Variants in ADCY2 observed in about 807,000 individuals in gnomAD.
ADCY2 encodes the protein adenylate cyclase type 2.
In ADCY2, 31 loss-of-function variants were observed where a neutral mutation model predicts 125.2. That is an observed-to-expected ratio of 0.25 (90% CI 0.19 to 0.33). The LOEUF (loss-of-function observed/expected upper bound fraction) is 0.33, where lower values mean the gene tolerates loss of function less well. Ranked by LOEUF, ADCY2 falls within the 10% of genes least tolerant of loss-of-function variation. The pLI, the probability that ADCY2 is intolerant of heterozygous loss-of-function variation, is 1.00. For missense variants in ADCY2, 904 were observed against 1,418.2 expected (o/e 0.64, Z 5.82); for synonymous variants, 512 against 548.4 (o/e 0.93, Z 0.93).
chr5:7,695,444 A>T (rs1740858062), intron 5 of ADCY2, among the ~76,000 whole-genome samples: 1 of 152,224 alleles, frequency 6.6e-6, no homozygotes, highest in Admixed American at 6.5e-5. Context: ...CTCCAGAATC[A>T]TTTAAGTAAT....
intron 1 of ADCY2, among the ~76,000 whole-genome samples, chr5:7,410,333 A>G (rs1200460494): frequency 6.6e-6 from 1 of 152,160 alleles, no homozygotes; most frequent in African/African-American, 2.4e-5. Flanking sequence ...CTGTTCAAAA[A>G]AAAAAGAAAA....
At chr5:7,404,543 CT>C (rs1475950022) in intron 1 of ADCY2, among the ~76,000 whole-genome samples, 2 of 152,244 alleles carry the variant, frequency 1.3e-5, no homozygotes, top group African/African-American at 4.8e-5. Context: ...CAACACACTT[CT>C]TTCCTAATTG....
intron 2 of ADCY2, among the ~76,000 whole-genome samples, chr5:7,508,262 A>C (rs1382067544): frequency 2.0e-5 from 3 of 152,282 alleles, no homozygotes; most frequent in African/African-American, 7.2e-5. Context: ...CTTCTGACCA[A>C]AGTTTTATTA....
chr5:7,707,791 T>C lies in ADCY2; in HGVS notation c.1354T>C (p.Tyr452His), dbSNP rs1467105114. The change falls in exon 9 of 25, where the codon TAT (tyrosine) becomes CAT (histidine). Residue 452 changes from tyrosine to histidine, a missense_variant. Tyr to His is a moderately conservative substitution (Grantham distance 83). Around this residue, in one of 7 missense-constraint regions of ADCY2, gnomAD observed 144 missense variants for 227.7 expected, o/e 0.63. Transcript: ENST00000338316. ...EEGDGDIRDP[Y>H]LKQHLVKTYF... ...GGGAGATGGTGACATTAGGGACCCA[T>C]ATTTAAAACAGCACCTGGTGAAAAC... 3.7e-6 allele frequency: 6 copies of C among 1,614,024 alleles called. No homozygotes were observed. In the African/African-American group the frequency reaches 5.3e-5, roughly 14 times the overall value.
At chr5:7,433,833 A>T (rs554201777) in intron 2 of ADCY2, among the ~76,000 whole-genome samples, 2 of 152,306 alleles carry the variant, frequency 1.3e-5, no homozygotes, top group Admixed American at 1.3e-4. Context: ...TGATACATTT[A>T]AAAAATGATT....
intron 3 of ADCY2, 50 bp downstream of exon 3, chr5:7,520,949 G>A (rs1209190783): frequency 2.5e-6 from 4 of 1,605,664 alleles, no homozygotes; most frequent in Non-Finnish European, 3.4e-6. Flanking sequence ...ATCCCACCAG[G>A]GGGTGAGGCA....
intron 4 of ADCY2, among the ~76,000 whole-genome samples, chr5:7,644,658 T>C (rs1307740836): frequency 6.6e-6 from 1 of 152,164 alleles, no homozygotes; most frequent in Non-Finnish European, 1.5e-5. Flanking sequence ...GGTCACCCTC[T>C]CTATTTCTGT....
intron 3 of ADCY2, among the ~76,000 whole-genome samples, chr5:7,572,007 A>G (rs1235767398): frequency 1.3e-5 from 2 of 152,176 alleles, no homozygotes; most frequent in Non-Finnish European, 2.9e-5. Flanking sequence ...TCCATGGTGT[A>G]TATATACCAC....
intron 16 of ADCY2, among the ~76,000 whole-genome samples, chr5:7,765,747 C>T (rs569197302): frequency 6.6e-6 from 1 of 152,262 alleles, no homozygotes; most frequent in East Asian, 1.9e-4. Context: ...TAACCCTATG[C>T]AGAAAACACA....
chr5:7,726,324 T>C (rs1741930306), intron 13 of ADCY2, among the ~76,000 whole-genome samples: 1 of 152,164 alleles, frequency 6.6e-6, no homozygotes, highest in African/African-American at 2.4e-5. Flanking sequence ...TCTCACTGAT[T>C]GTAGTCAATT....
intron 2 of ADCY2, among the ~76,000 whole-genome samples, chr5:7,420,488 C>T (rs779058253): frequency 9.2e-5 from 14 of 152,054 alleles, no homozygotes; most frequent in Non-Finnish European, 1.6e-4. Context: ...GCGAAAAAGA[C>T]CCCAAACCTT....
intron 4 of ADCY2, among the ~76,000 whole-genome samples, chr5:7,655,970 A>G (rs2973320): frequency 0.15 from 22,595 of 151,656 alleles, 2,078 homozygotes; most frequent in East Asian, 0.44. Context: ...GGTATTTGTG[A>G]TGTTAACATG....
chr5:7,826,890 G>T lies in ADCY2; in HGVS notation c.*19G>T. 1.3e-6 allele frequency: 2 copies of T among 1,582,250 alleles called. No homozygotes were observed. Among genetic ancestry groups the T allele is most frequent in the East Asian group, 2.2e-5 (1 of 44,734 alleles). ...ATCCTGAAGAGTCACCTTCATTTTG[G>T]CAAGAAGACTGTATTTTCAGGAAGG... On this transcript the variant is annotated 3_prime_UTR_variant, in exon 25 of 25. Transcript: ENST00000338316.
intron 2 of ADCY2, among the ~76,000 whole-genome samples, chr5:7,512,357 A>G (rs1035965624): frequency 6.6e-6 from 1 of 152,036 alleles, no homozygotes; most frequent in African/African-American, 2.4e-5. Flanking sequence ...GGTGTAAGAA[A>G]GGCTGTTTGG....
At chr5:7,765,138 A>G (rs1347372288) in intron 16 of ADCY2, among the ~76,000 whole-genome samples, 2 of 152,194 alleles carry the variant, frequency 1.3e-5, no homozygotes, top group African/African-American at 2.4e-5. Context: ...TCAAGAATGC[A>G]ACACTTCATT....
intron 2 of ADCY2, among the ~76,000 whole-genome samples, chr5:7,505,665 G>A (rs1465833024): frequency 6.6e-6 from 1 of 152,176 alleles, no homozygotes; most frequent in Non-Finnish European, 1.5e-5. Context: ...AAGGAGAAAA[G>A]CAAACAAAGG....
intron 18 of ADCY2, among the ~76,000 whole-genome samples, chr5:7,776,276 T>C (rs34810756): frequency 0.14 from 20,795 of 148,952 alleles, 2,251 homozygotes; most frequent in East Asian, 0.62. Context: ...GAGGTGCCTC[T>C]GAGGGTGGGA....
Position 7,816,961 on chromosome 5 carries a change from C to T in ADCY2, c.2979C>T (p.Asn993=), listed in dbSNP as rs958554402. ...KLDAINKHSF[N]DFKLRVGINH... ...ATGCCATCAACAAGCACTCCTTCAA[C>T]GACTTCAAATTGCGAGTGGGTACGT... is the stretch of plus-strand genomic sequence containing the variant. Residue 993 remains asparagine (N), a synonymous_variant, in exon 23 of 25, where the codon AAC becomes AAT. Transcript: ENST00000338316. The T allele has an allele frequency of 3.5e-5, 57 of 1,614,062 alleles. No individual in the cohort carries two copies. The highest frequency in any genetic ancestry group is 4.6e-5 in the Non-Finnish European group (54 of 1,179,990).
intron 2 of ADCY2, among the ~76,000 whole-genome samples, chr5:7,520,179 CTGCTGTGTA>C (rs1433024110): frequency 6.6e-6 from 1 of 152,150 alleles, no homozygotes; most frequent in Non-Finnish European, 1.5e-5. Context: ...AGGAGTAGAA[CTGCTGTGTA>C]TGTTTAACTT....
Sources: allele counts gnomAD v4.1 joint callset (sites outside exome capture counted in the v4.1 genomes callset), GRCh38; gene constraint gnomAD v4.1.1; regional missense constraint gnomAD v4.1.1; transcripts MANE v1.5; gene names NCBI Gene and HGNC (gene_info 2026-07-23, HGNC 2026-07-21).